Variants in MEF2A observed in about 807,000 individuals in gnomAD.
The protein encoded by MEF2A is myocyte-specific enhancer factor 2A.
In MEF2A, 28 loss-of-function variants were observed where a neutral mutation model predicts 55.8. That is an observed-to-expected ratio of 0.50 (90% CI 0.37 to 0.69). MEF2A has a LOEUF of 0.69. MEF2A is among the 30% of genes least tolerant of loss of function. MEF2A has a pLI of 0.00. For synonymous variants in MEF2A, 239 were observed against 227.1 expected, an observed-to-expected ratio of 1.05 and a Z score of -0.47; for missense variants, 528 against 626.2, an observed-to-expected ratio of 0.84 and a Z score of 1.67.
chr15:99,596,306 A>G (rs1334793806), intron 1 of MEF2A, among the ~76,000 whole-genome samples: 1 of 152,150 alleles, frequency 6.6e-6, no homozygotes, highest in East Asian at 1.9e-4. Flanking sequence ...TTGGTAATGC[A>G]ACTAAATTTG....
chr15:99,674,322 T>TA, intron 5 of MEF2A, 71 bp from the exon 6 acceptor site: 3 of 1,412,180 alleles, frequency 2.1e-6, no homozygotes, highest in South Asian at 2.8e-5. Flanking sequence ...CTTGCCAAAT[T>TA]AAAGTTCAAA....
intron 3 of MEF2A, among the ~76,000 whole-genome samples, chr15:99,636,101 A>G (rs528812832): frequency 6.6e-6 from 1 of 152,132 alleles, no homozygotes; most frequent in African/African-American, 2.4e-5. Flanking sequence ...TGGTAGGTGA[A>G]CAATAGTAAT....
intron 2 of MEF2A, among the ~76,000 whole-genome samples, chr15:99,626,177 C>G (rs2042019319): frequency 6.6e-6 from 1 of 152,086 alleles, no homozygotes; most frequent in South Asian, 2.1e-4. Context: ...GCAATTCAGT[C>G]TTGGTAGTTC....
chr15:99,637,674 G>A (rs966749419), intron 3 of MEF2A, among the ~76,000 whole-genome samples: 2 of 151,004 alleles, frequency 1.3e-5, no homozygotes, highest in African/African-American at 2.4e-5. Flanking sequence ...ACGGAGTCTC[G>A]CTCTGTCGCC....
chr15:99,624,955 A>G (rs1338201947), intron 2 of MEF2A, among the ~76,000 whole-genome samples: 1 of 152,106 alleles, frequency 6.6e-6, no homozygotes, highest in African/African-American at 2.4e-5. Context: ...TCGACTTTAC[A>G]GTGTTGTGAA....
At chr15:99,654,217 T>A (rs1340125936) in intron 4 of MEF2A, among the ~76,000 whole-genome samples, 1 of 152,160 alleles carries the variant, frequency 6.6e-6, no homozygotes, top group African/African-American at 2.4e-5. Flanking sequence ...TATTTGATAT[T>A]AGACTCTCAA....
chr15:99,606,181 G>A (rs541169084), intron 2 of MEF2A, among the ~76,000 whole-genome samples: 3 of 152,106 alleles, frequency 2.0e-5, no homozygotes, highest in East Asian at 3.9e-4. Flanking sequence ...AATCGTCCTG[G>A]AACAAGTGAT....
At chr15:99,610,331 A>T (rs1055587516) in intron 2 of MEF2A, among the ~76,000 whole-genome samples, 6 of 151,072 alleles carry the variant, frequency 4.0e-5, no homozygotes, top group Non-Finnish European at 8.8e-5. Context: ...TGGCAGATTT[A>T]ATCTTGTTAA....
chr15:99,702,626 C>G (rs1453762674), intron 8 of MEF2A, among the ~76,000 whole-genome samples: 3 of 152,038 alleles, frequency 2.0e-5, no homozygotes, highest in Non-Finnish European at 4.4e-5. Flanking sequence ...CAAGGTTTCA[C>G]CATCTTGGCC....
At chr15:99,658,307 A>T (rs1467091278) in intron 4 of MEF2A, among the ~76,000 whole-genome samples, 1 of 152,220 alleles carries the variant, frequency 6.6e-6, no homozygotes, top group African/African-American at 2.4e-5. Context: ...TAATGCAGTA[A>T]ACATGGTGGA....
In MEF2A at chr15:99,690,376, C is replaced by G. The variant is rs776085239; in HGVS notation, c.806C>G (p.Pro269Arg). ...AATCTTGGAATGAACAGTAGGAAACCAGATCTTCGAGTTGTCATCCCCCCT... is the reference window on the plus strand; with the variant it reads ...AATCTTGGAATGAACAGTAGGAAACGAGATCTTCGAGTTGTCATCCCCCCT... ...GGNLGMNSRKPDLRVVIPPSS... is the reference protein window; with the variant it reads ...GGNLGMNSRKRDLRVVIPPSS... The change falls in exon 8 of 12, where the codon CCA becomes CGA. Residue 269 changes from proline to arginine, a missense_variant. Coordinates refer to ENST00000557942, the MANE Select transcript of MEF2A (RefSeq NM_001319206.4). The G allele has an allele frequency of 6.2e-7, 1 of 1,610,494 alleles. No homozygotes were observed. The highest frequency in any genetic ancestry group is 8.5e-7 in the Non-Finnish European group (1 of 1,177,794).
At chr15:99,630,638 G>C (rs2042803010) in intron 2 of MEF2A, among the ~76,000 whole-genome samples, 3 of 152,122 alleles carry the variant, frequency 2.0e-5, no homozygotes, top group Non-Finnish European at 4.4e-5. Flanking sequence ...TGAATTTCTA[G>C]ATGATGTTAT....
intron 8 of MEF2A, among the ~76,000 whole-genome samples, chr15:99,702,086 GT>G (rs1319748131): frequency 1.3e-5 from 2 of 152,212 alleles, no homozygotes; most frequent in Non-Finnish European, 2.9e-5. Flanking sequence ...CAGCTATAAT[GT>G]TAGACAGTAT....
chr15:99,566,436 G>C (rs1033790546), intron 1 of MEF2A: 1 of 143,702 alleles, frequency 7.0e-6, no homozygotes, highest in Non-Finnish European at 1.5e-5. Context: ...CTGAGGGCGG[G>C]CCGGTGGGGC....
intron 2 of MEF2A, among the ~76,000 whole-genome samples, chr15:99,599,986 G>A (rs1972442295): frequency 6.6e-6 from 1 of 152,094 alleles, no homozygotes; most frequent in Non-Finnish European, 1.5e-5. Flanking sequence ...TTTTATATAA[G>A]AGACTTGAGT....
intron 4 of MEF2A, among the ~76,000 whole-genome samples, chr15:99,668,963 C>T (rs947701693): frequency 6.6e-6 from 1 of 152,146 alleles, no homozygotes; most frequent in Non-Finnish European, 1.5e-5. Context: ...GCTGATAGAG[C>T]CTCTTAAATT....
At chr15:99,565,523 C>A (rs1228299412), upstream of MEF2A, 1 of 150,808 alleles carries the variant, frequency 6.6e-6, no homozygotes, top group South Asian at 2.1e-4. Context: ...CAGGGCGCGA[C>A]GCCGCCGGGC....
intron 3 of MEF2A, among the ~76,000 whole-genome samples, chr15:99,641,614 TCGGGAGGCTGAGGCAGG>T (rs1327688414): frequency 6.6e-6 from 1 of 151,994 alleles, no homozygotes; most frequent in Non-Finnish European, 1.5e-5. Context: ...TCCCAGCTAC[TCGGGAGGCTGAGGCAGG>T]AGAACGGCAT....
At position 99,712,388 on chromosome 15, in the gene MEF2A, A is replaced by T. The variant is rs1398726942; in HGVS notation, c.1137-2A>T. On this transcript the variant is annotated splice_acceptor_variant, in intron 11 of 11. Transcript: ENST00000557942. LOFTEE classifies it high-confidence loss of function. This position sits in a 1 kb window ranked among gnomAD's most constrained non-coding sequence, Gnocchi z 4.1. ...CTGACCTCTCTCTTTTTTTTCCTTCAGTGCTGGAGGGCAGTTATCTCAGGG... is the reference window on the plus strand; with the variant it reads ...CTGACCTCTCTCTTTTTTTTCCTTCTGTGCTGGAGGGCAGTTATCTCAGGG... 7.3e-6 allele frequency: 11 copies of T among 1,516,748 alleles called. No individual in the cohort carries two copies. Among genetic ancestry groups the T allele is most frequent in the Admixed American group, 6.4e-5 (3 of 47,064 alleles). The allele number at this position is 1,516,748 out of a possible 1,614,324, so 94.0% of individuals were successfully genotyped here.
Sources: gnomAD v4.1 joint callset for allele counts (sites outside exome capture counted in the v4.1 genomes callset) on GRCh38, gnomAD v4.1.1 for gene constraint, Gnocchi (gnomAD v3.1) non-coding constraint, MANE v1.5 for transcripts, NCBI Gene and HGNC (gene_info 2026-07-23, HGNC 2026-07-21) for gene names.